Variants in SBF2 observed in about 807,000 individuals in gnomAD.
SBF2 encodes the protein myotubularin-related protein 13.
Under a neutral mutation model 225.2 loss-of-function variants are expected in SBF2, and 112 were observed. That is an observed-to-expected ratio of 0.50 (90% CI 0.43 to 0.58). The LOEUF (loss-of-function observed/expected upper bound fraction) is 0.58. SBF2 is among the 20% of genes least tolerant of loss of function. The pLI, the probability that SBF2 is intolerant of heterozygous loss-of-function variation, is 0.00. For missense variants in SBF2, 1,996 were observed against 2,206.2 expected (o/e 0.90, Z 1.91); for synonymous variants, 763 against 773.3 (o/e 0.99, Z 0.22).
chr11:10,082,352 A>C (rs1951400577), intron 2 of SBF2, among the ~76,000 whole-genome samples: 1 of 152,184 alleles, frequency 6.6e-6, no homozygotes, highest in Non-Finnish European at 1.5e-5. Context: ...ATTAATGTGG[A>C]CGGAAACTTC....
At chr11:10,078,602 G>T (rs1293972284) in intron 2 of SBF2, among the ~76,000 whole-genome samples, 1 of 151,970 alleles carries the variant, frequency 6.6e-6, no homozygotes, top group Non-Finnish European at 1.5e-5. Flanking sequence ...ACACAGGGAG[G>T]GGAATATCAC....
chr11:9,898,075 G>GAAGGGAAAGTCAGAAGT (rs1861412485), intron 16 of SBF2, among the ~76,000 whole-genome samples: 2 of 152,148 alleles, frequency 1.3e-5, no homozygotes, highest in African/African-American at 4.8e-5. Context: ...GGAAGAGTCA[G>GAAGGGAAAGTCAGAAGT]AAGGGAAAGT....
chr11:10,086,780 G>T (rs1310786423), intron 2 of SBF2, among the ~76,000 whole-genome samples: 1 of 152,096 alleles, frequency 6.6e-6, no homozygotes, highest in Admixed American at 6.5e-5. Flanking sequence ...CTAGGTCTAG[G>T]GAAATAAAAA....
At chr11:9,866,739 C>G (rs1487481809) in intron 17 of SBF2, among the ~76,000 whole-genome samples, 1 of 152,054 alleles carries the variant, frequency 6.6e-6, no homozygotes, top group East Asian at 1.9e-4. Context: ...GGGATTACAT[C>G]AAGTTAAAAA....
At chr11:9,791,421 CAAAA>C (rs11343948) in intron 33 of SBF2, among the ~76,000 whole-genome samples, 30 of 125,396 alleles carry the variant, frequency 2.4e-4, no homozygotes, top group Admixed American at 3.1e-4. Context: ...ACCAGTTTAT[CAAAA>C]AAAAAAAAAA....
In SBF2 at chr11:9,865,378, A is replaced by G. The variant is rs1238039122; in HGVS notation, c.1930-6982T>C. 3.9e-5 allele frequency among the ~76,000 whole-genome samples: 6 copies of G among 152,182 alleles called. No individual in the cohort carries two copies. In the East Asian group the frequency reaches 1.2e-3, roughly 29 times the overall value. On this transcript the variant is annotated intron_variant, in intron 17 of 39. Coordinates refer to ENST00000256190, the MANE Select transcript of SBF2 (RefSeq NM_030962.4). ...CTTATGACCCACTGAGATAAGTACC[A>G]TTATTTCTCCTGTTTAAAAATGAGG...
intron 1 of SBF2, among the ~76,000 whole-genome samples, chr11:10,196,849 T>G: frequency 4.9e-5 from 1 of 20,330 alleles, no homozygotes; most frequent in African/African-American, 9.8e-5. Flanking sequence ...TATATATATA[T>G]ATATATATAT....
At chr11:9,970,646 T>C (rs1867272261) in intron 13 of SBF2, among the ~76,000 whole-genome samples, 2 of 152,208 alleles carry the variant, frequency 1.3e-5, no homozygotes, top group Admixed American at 6.5e-5. Flanking sequence ...CTGCCGTAAG[T>C]GTCAAAACAC....
intron 16 of SBF2, among the ~76,000 whole-genome samples, chr11:9,906,947 A>T (rs1014472918): frequency 2.6e-5 from 4 of 152,232 alleles, no homozygotes; most frequent in Non-Finnish European, 4.4e-5. Context: ...TGTTGCCAAC[A>T]TTCCAGTTTG....
At chr11:10,040,208 C>G (rs1949600849) in intron 3 of SBF2, among the ~76,000 whole-genome samples, 1 of 151,864 alleles carries the variant, frequency 6.6e-6, no homozygotes, top group South Asian at 2.1e-4. Flanking sequence ...ATAAAAATCG[C>G]CACTATGAAG....
At chr11:10,133,380 GC>G (rs1442394821) in intron 2 of SBF2, among the ~76,000 whole-genome samples, 1 of 149,582 alleles carries the variant, frequency 6.7e-6, no homozygotes, top group African/African-American at 2.5e-5. Flanking sequence ...GGAGGCTCGG[GC>G]CGCACAGGAG....
intron 16 of SBF2, among the ~76,000 whole-genome samples, chr11:9,918,081 C>T (rs1590439279): frequency 6.7e-6 from 1 of 149,198 alleles, no homozygotes. Context: ...GAAATAGGCG[C>T]ATCTAGGGAC....
chr11:10,283,964 A>G (rs1280355890), intron 1 of SBF2, among the ~76,000 whole-genome samples: 1 of 152,250 alleles, frequency 6.6e-6, no homozygotes, highest in African/African-American at 2.4e-5. Flanking sequence ...CTCAAATGAT[A>G]TAATAATACA....
intron 28 of SBF2, chr11:9,828,724 T>C (rs1361983629): frequency 2.9e-5 from 23 of 785,258 alleles, no homozygotes; most frequent in Non-Finnish European, 3.6e-5. Context: ...TGCAGATATT[T>C]TGGGAATTTC....
At chr11:10,216,801 C>T (rs979558378) in intron 1 of SBF2, among the ~76,000 whole-genome samples, 11 of 152,010 alleles carry the variant, frequency 7.2e-5, no homozygotes, top group Middle Eastern at 3.2e-3. Flanking sequence ...AACCGGGAGG[C>T]GGAGGTTGCA....
intron 1 of SBF2, among the ~76,000 whole-genome samples, chr11:10,260,394 G>A (rs1252229273): frequency 6.6e-6 from 1 of 151,690 alleles, no homozygotes; most frequent in Non-Finnish European, 1.5e-5. Context: ...GACCAGCCTG[G>A]GCAACATAGT....
intron 17 of SBF2, among the ~76,000 whole-genome samples, chr11:9,868,722 C>T (rs1858458044): frequency 6.6e-6 from 1 of 152,256 alleles, no homozygotes; most frequent in Admixed American, 6.5e-5. Context: ...GATCATTTGT[C>T]CTAGAAAGTT....
At chr11:10,106,640 A>AAAAT (rs1952568928) in intron 2 of SBF2, among the ~76,000 whole-genome samples, 1 of 151,548 alleles carries the variant, frequency 6.6e-6, no homozygotes, top group East Asian at 1.9e-4. Context: ...ATTAAAAAAA[A>AAAAT]AAAAAAAAAC....
chr11:10,202,810 T>C (rs7929332), intron 1 of SBF2, among the ~76,000 whole-genome samples: 16,154 of 151,966 alleles, frequency 0.11, 1,016 homozygotes, highest in Non-Finnish European at 0.11. Context: ...GGTCCAAAAA[T>C]CATTACCTTA....
Sources: gnomAD v4.1 joint callset for allele counts (sites outside exome capture counted in the v4.1 genomes callset) on GRCh38, gnomAD v4.1.1 for gene constraint, MANE v1.5 for transcripts, NCBI Gene and HGNC (gene_info 2026-07-23, HGNC 2026-07-21) for gene names.